Variants in GCSH observed in about 807,000 individuals in gnomAD.
GCSH encodes glycine cleavage system H protein, mitochondrial.
GCSH carries 15 observed loss-of-function variants against 21.3 expected under a neutral mutation model. That is an observed-to-expected ratio of 0.70 (90% CI 0.47 to 1.08). GCSH has a LOEUF of 1.08. GCSH is among the 50% of genes least tolerant of loss of function. The pLI, the probability that GCSH is intolerant of heterozygous loss-of-function variation, is 0.00. For missense variants in GCSH, 179 were observed against 217.5 expected, an observed-to-expected ratio of 0.82 and a Z score of 1.11; for synonymous variants, 59 against 84.5, an observed-to-expected ratio of 0.70 and a Z score of 1.66.
At position 81,084,515 on chromosome 16, in the gene GCSH, A is replaced by T; in HGVS notation, c.372T>A (p.Asn124Lys). 6.2e-7 allele frequency: 1 copy of T among 1,606,744 alleles called. No individual in the cohort carries two copies. The highest frequency in any genetic ancestry group is 1.1e-5 in the South Asian group (1 of 90,906). Residue 124 changes from asparagine to lysine, a missense_variant, in exon 4 of 5, where the codon AAT becomes AAA. Transcript: ENST00000315467. ...GTCCTGGATTTTCTGCAAGAGCTTC[A>T]TTAATTTCAGTTACTTCTCCTGATA... The part of the protein sequence containing the change: ...SPLSGEVTEI[N>K]EALAENPGLV...
chr16:81,082,573 T>C lies in GCSH; in HGVS notation c.*293A>G, dbSNP rs1430429476. Reference sequence around the variant, plus strand: ...AGGCTTAAGAATAACAATGTTATCTTTGAATTATGTAATTTTTATAACTAG... The same window carrying C: ...AGGCTTAAGAATAACAATGTTATCTCTGAATTATGTAATTTTTATAACTAG... On this transcript the variant is annotated 3_prime_UTR_variant, in exon 5 of 5. Transcript: ENST00000315467. 8.8e-6 allele frequency: 3 copies of C among 340,574 alleles called. No homozygotes were observed. Among genetic ancestry groups the C allele is most frequent in the Non-Finnish European group, 1.6e-5 (3 of 184,230 alleles). The allele number at this position is 340,574 out of a possible 1,614,324, so 21.1% of individuals were successfully genotyped here.
rs1258268752 is a variant in GCSH, at chr16:81,096,369, C to T, written c.-91G>A. On this transcript the variant is annotated 5_prime_UTR_variant, in exon 1 of 5. Transcript: ENST00000315467. ...AGGGGCAGTTCGCGGCCGGAGGGAG[C>T]CGGCTGGATGGAGGCGCGGAGGCGG... 4 of 1,097,370 alleles carry T rather than the reference C, an allele frequency of 3.6e-6. No homozygotes were observed. The highest frequency in any genetic ancestry group is 4.8e-6 in the Non-Finnish European group (4 of 834,370). The allele number at this position is 1,097,370 out of a possible 1,614,324, so 68.0% of individuals were successfully genotyped here. A position where few individuals can be genotyped will look rare whatever the true frequency, so the allele number is the denominator to read the frequency against.
intron 2 of GCSH, among the ~76,000 whole-genome samples, chr16:81,088,100 T>C (rs1972321233): frequency 6.6e-6 from 1 of 152,028 alleles, no homozygotes; most frequent in Non-Finnish European, 1.5e-5. Flanking sequence ...TACTCCAGCC[T>C]TGGCGACAGA....
intron 1 of GCSH, among the ~76,000 whole-genome samples, chr16:81,093,263 C>A (rs187041343): frequency 3.3e-5 from 5 of 152,110 alleles, no homozygotes; most frequent in African/African-American, 1.2e-4. Flanking sequence ...GGTTATATGC[C>A]AATTATGAGC....
At chr16:81,085,442 G>A (rs560813307) in intron 3 of GCSH, among the ~76,000 whole-genome samples, 97 of 152,178 alleles carry the variant, frequency 6.4e-4, no homozygotes, top group Non-Finnish European at 1.3e-3. Flanking sequence ...AAATGGTGAT[G>A]TGCCTGAATG....
chr16:81,090,942 C>T, intron 1 of GCSH: 1 of 548,080 alleles, frequency 1.8e-6, no homozygotes, highest in Non-Finnish European at 3.3e-6. Context: ...TTTAACATTA[C>T]TTAGCCTAAA....
intron 2 of GCSH, among the ~76,000 whole-genome samples, chr16:81,089,550 C>T (rs931955206): frequency 6.6e-5 from 10 of 151,668 alleles, no homozygotes; most frequent in Non-Finnish European, 1.2e-4. Context: ...TAGGCTGTAC[C>T]ATCTAGGTGT....
At chr16:81,086,437 C>G (rs8177926) in intron 3 of GCSH, among the ~76,000 whole-genome samples, 5,898 of 151,354 alleles carry the variant, frequency 0.039, 299 homozygotes, top group African/African-American at 0.12. Flanking sequence ...CATGCCTGTA[C>G]TCCCAGCTAC....
Position 81,084,515 on chromosome 16 carries a change from A to G in GCSH, c.372T>C (p.Asn124=). The change falls in exon 4 of 5, where the codon AAT becomes AAC. Residue 124 remains asparagine, a synonymous_variant. Transcript: ENST00000315467. The part of the protein sequence containing the change: ...SPLSGEVTEI[N]EALAENPGLV... ...GTCCTGGATTTTCTGCAAGAGCTTC[A>G]TTAATTTCAGTTACTTCTCCTGATA... 6.2e-7 allele frequency: 1 copy of G among 1,606,744 alleles called. No individual in the cohort carries two copies. Among genetic ancestry groups the G allele is most frequent in the Non-Finnish European group, 8.5e-7 (1 of 1,173,336 alleles).
At position 81,082,129 on chromosome 16, in the gene GCSH, TTTA is replaced by T. The variant is rs1238384929; in HGVS notation, c.*734_*736del. On this transcript the variant is annotated 3_prime_UTR_variant, in exon 5 of 5. Transcript: ENST00000315467. ...GAAAATCAAAGTTGGTGATTTATTT[TTTA>T]TTATGTTAAAGGTGACAGATCTTGG... 2.2e-6 allele frequency: 1 copy of T among 454,118 alleles called. No homozygotes were observed. The highest frequency in any genetic ancestry group is 2.3e-5 in the Admixed American group (1 of 42,558). The allele number at this position is 454,118 out of a possible 1,614,324, so 28.1% of individuals were successfully genotyped here.
At chr16:81,085,511 A>G (rs1348617091) in intron 3 of GCSH, among the ~76,000 whole-genome samples, 1 of 152,186 alleles carries the variant, frequency 6.6e-6, no homozygotes, top group Non-Finnish European at 1.5e-5. Context: ...GTGGCTCAGA[A>G]AAAAACAAAA....
intron 2 of GCSH, among the ~76,000 whole-genome samples, chr16:81,088,065 G>A (rs1223691524): frequency 6.6e-6 from 1 of 152,098 alleles, no homozygotes; most frequent in South Asian, 2.1e-4. Context: ...GGCAGAGGTT[G>A]CAGTGAGTTG....
rs572992959 is a variant in GCSH, at chr16:81,082,683, T to C, written c.*183A>G. On this transcript the variant is annotated 3_prime_UTR_variant, in exon 5 of 5. Transcript: ENST00000315467. ...GATATTGTGAAAAAGACGCATATTA[T>C]ATTTATCTATAATCATTAGAAAGTT... 7.8e-6 allele frequency: 4 copies of C among 514,718 alleles called. No individual in the cohort carries two copies. Among genetic ancestry groups the C allele is most frequent in the Admixed American group, 3.8e-5 (1 of 26,076 alleles). 31.9% of individuals were successfully genotyped at this position (514,718 alleles called of 1,614,324 possible). A position where few individuals can be genotyped will look rare whatever the true frequency, so the allele number is the denominator to read the frequency against.
intron 2 of GCSH, among the ~76,000 whole-genome samples, chr16:81,088,006 A>G (rs1231235286): frequency 2.2e-4 from 33 of 152,106 alleles, no homozygotes; most frequent in Admixed American, 2.1e-3. Context: ...GGCACTTGCA[A>G]TCCCAGCTAC....
In GCSH at chr16:81,082,148, CAG is replaced by C. The variant is rs1567585596; in HGVS notation, c.*716_*717del. The C allele has an allele frequency of 2.2e-6, 1 of 454,020 alleles. No individual in the cohort carries two copies. The highest frequency in any genetic ancestry group is 2.4e-5 in the Admixed American group (1 of 42,552). The allele number at this position is 454,020 out of a possible 1,614,324, so 28.1% of individuals were successfully genotyped here. ...TTATTTTTTATTATGTTAAAGGTGA[CAG>C]ATCTTGGCTTAAGAAAAACCAGATT... On this transcript the variant is annotated 3_prime_UTR_variant, in exon 5 of 5. Transcript: ENST00000315467.
intron 1 of GCSH, among the ~76,000 whole-genome samples, chr16:81,092,012 C>T (rs1201185769): frequency 6.6e-6 from 1 of 152,114 alleles, no homozygotes; most frequent in Non-Finnish European, 1.5e-5. Flanking sequence ...AAAAATGTGT[C>T]ACTAAGAAAT....
intron 1 of GCSH, among the ~76,000 whole-genome samples, chr16:81,095,274 T>C (rs1474038862): frequency 6.6e-6 from 1 of 152,162 alleles, no homozygotes; most frequent in Non-Finnish European, 1.5e-5. Context: ...GCAGAACTTC[T>C]GTTGAGTCCA....
Position 81,094,055 on chromosome 16 carries a change from C to G in GCSH, c.148+2076G>C, listed in dbSNP as rs552300550. Among the ~76,000 whole-genome samples the G allele has an allele frequency of 2.6e-5, 4 of 152,054 alleles. No homozygotes were observed. The East Asian group carries it at 7.8e-4, about 30-fold the overall frequency. On this transcript the variant is annotated intron_variant, in intron 1 of 4. Transcript: ENST00000315467. ...CTGGGATTACAAGCACGTGCCACCA[C>G]GCCCGACTAATTTTTTGTATTTTTG...
intron 1 of GCSH, among the ~76,000 whole-genome samples, chr16:81,094,707 C>G (rs543492825): frequency 1.2e-4 from 18 of 152,056 alleles, no homozygotes; most frequent in African/African-American, 4.3e-4. Context: ...CAGCTCCAAA[C>G]AGGTTTCTAA....
Sources: allele counts gnomAD v4.1 joint callset (sites outside exome capture counted in the v4.1 genomes callset), GRCh38; gene constraint gnomAD v4.1.1; transcripts MANE v1.5; gene names NCBI Gene and HGNC (gene_info 2026-07-23, HGNC 2026-07-21).